Variants in ZNF678 observed in about 807,000 individuals in gnomAD.
The protein encoded by ZNF678 is hypothetical protein MGC42493.
In ZNF678, 5 loss-of-function variants were observed where a neutral mutation model predicts 3.0. That is an observed-to-expected ratio of 1.69 (90% CI 0.88 to 3.56). The LOEUF (loss-of-function observed/expected upper bound fraction) is 3.56, where lower values mean the gene tolerates loss of function less well. Among genes scored for constraint, ZNF678 ranks in the 30% most tolerant of loss-of-function variants. The pLI is 0.00. For missense variants in ZNF678, 593 were observed against 605.0 expected, an observed-to-expected ratio of 0.98 and a Z score of 0.21; for synonymous variants, 218 against 199.6, an observed-to-expected ratio of 1.09 and a Z score of -0.78.
downstream of ZNF678, among the ~76,000 whole-genome samples, chr1:227,677,877 C>A (rs556184598): frequency 6.6e-6 from 1 of 152,314 alleles, no homozygotes; most frequent in African/African-American, 2.4e-5. Context: ...CAAGGGCTCC[C>A]TGCCAAATAA....
chr1:227,620,666 C>T lies in ZNF678; in HGVS notation c.-163-25878C>T, dbSNP rs1475869058. On this transcript the variant is annotated intron_variant, in intron 1 of 3. Transcript: ENST00000343776. ...GTTTTTAAAGATAAAAGGGGCAACA[C>T]AGAGTGAGATGGTAAAAAGTTTGTT... is the stretch of plus-strand genomic sequence containing the variant. 2.0e-5 allele frequency among the ~76,000 whole-genome samples: 3 copies of T among 152,216 alleles called. No homozygotes were observed. The East Asian group carries it at 5.8e-4, about 29-fold the overall frequency.
At chr1:227,618,973 C>G (rs563807688) in intron 1 of ZNF678, among the ~76,000 whole-genome samples, 2 of 152,260 alleles carry the variant, frequency 1.3e-5, no homozygotes, top group Non-Finnish European at 2.9e-5. Context: ...GAAGCAAAGA[C>G]CTTCTTCACC....
rs375885870 is a variant in ZNF678, at chr1:227,578,093, G to A, written c.-164+14369G>A. 8.5e-5 allele frequency among the ~76,000 whole-genome samples: 13 copies of A among 152,212 alleles called. No individual in the cohort carries two copies. The East Asian group carries it at 1.2e-3, about 14-fold the overall frequency. ...GTCTCTTCCGGCTTTTAAGGTTTCCGTTGAGAGGTCCACTTTTAGTCTGAT... is the reference window on the plus strand; with the variant it reads ...GTCTCTTCCGGCTTTTAAGGTTTCCATTGAGAGGTCCACTTTTAGTCTGAT... On this transcript the variant is annotated intron_variant, in intron 1 of 3. Coordinates refer to ENST00000343776, the MANE Select transcript of ZNF678 (RefSeq NM_001367909.1).
intron 1 of ZNF678, among the ~76,000 whole-genome samples, chr1:227,593,272 G>A (rs966148978): frequency 6.6e-6 from 1 of 152,184 alleles, no homozygotes; most frequent in Non-Finnish European, 1.5e-5. Flanking sequence ...ATGTGCAGAT[G>A]GATTATTTGA....
chr1:227,565,680 C>T (rs557264811), intron 1 of ZNF678, among the ~76,000 whole-genome samples: 3 of 152,328 alleles, frequency 2.0e-5, no homozygotes, highest in African/African-American at 7.2e-5. Context: ...TTTTATCTTT[C>T]CTAGGCACAG....
At chr1:227,569,875 A>G (rs537328487) in intron 1 of ZNF678, among the ~76,000 whole-genome samples, 1 of 152,300 alleles carries the variant, frequency 6.6e-6, no homozygotes, top group African/African-American at 2.4e-5. Context: ...GTGTTTGTGC[A>G]TTTGGAGGAG....
chr1:227,612,604 C>G (rs568718738), intron 1 of ZNF678, among the ~76,000 whole-genome samples: 4 of 152,316 alleles, frequency 2.6e-5, no homozygotes, highest in Admixed American at 2.6e-4. Flanking sequence ...CCTGGGATAG[C>G]TTTCTACTCC....
chr1:227,641,801 G>T (rs1441012283), intron 1 of ZNF678, among the ~76,000 whole-genome samples: 1 of 151,862 alleles, frequency 6.6e-6, no homozygotes, highest in Non-Finnish European at 1.5e-5. Flanking sequence ...AGACCTTCCA[G>T]CTCTTTCTTT....
chr1:227,678,731 T>C (rs545631773), downstream of ZNF678, among the ~76,000 whole-genome samples: 1 of 152,170 alleles, frequency 6.6e-6, no homozygotes, highest in African/African-American at 2.4e-5. Context: ...CCAGAGAGAT[T>C]TGACAAATTC....
intron 1 of ZNF678, among the ~76,000 whole-genome samples, chr1:227,623,439 G>A (rs1271802071): frequency 6.6e-6 from 1 of 152,148 alleles, no homozygotes; most frequent in African/African-American, 2.4e-5. Context: ...AACTTAATAA[G>A]TAAAAATTAC....
chr1:227,624,499 T>G lies in ZNF678; in HGVS notation c.-163-22045T>G, dbSNP rs370563043. Reference sequence around the variant, plus strand: ...CACTGAAGGCATGGCAGAGAGCATTTTTGTGCACTGCAGATGTTACCGGCA... The same window carrying G: ...CACTGAAGGCATGGCAGAGAGCATTGTTGTGCACTGCAGATGTTACCGGCA... On this transcript the variant is annotated intron_variant, in intron 1 of 3. Coordinates refer to ENST00000343776, the MANE Select transcript of ZNF678 (RefSeq NM_001367909.1). Among the ~76,000 whole-genome samples, 3 of 152,158 alleles carry G rather than the reference T, an allele frequency of 2.0e-5. No individual in the cohort carries two copies. In the East Asian group the frequency reaches 5.8e-4, roughly 29 times the overall value.
chr1:227,573,697 G>GTTACCTA (rs774519170), intron 1 of ZNF678, among the ~76,000 whole-genome samples: 32,673 of 151,782 alleles, frequency 0.22, 3,987 homozygotes, highest in African/African-American at 0.33. Context: ...TTAAGTTCAG[G>GTTACCTA]GGTACATGTG....
chr1:227,611,972 T>C (rs1490476414), intron 1 of ZNF678, among the ~76,000 whole-genome samples: 2 of 152,212 alleles, frequency 1.3e-5, no homozygotes, highest in African/African-American at 4.8e-5. Flanking sequence ...GGTGTTTCTG[T>C]ACTTCACAAG....
At chr1:227,604,969 G>A (rs910960929) in intron 1 of ZNF678, among the ~76,000 whole-genome samples, 3 of 151,704 alleles carry the variant, frequency 2.0e-5, no homozygotes, top group African/African-American at 7.3e-5. Context: ...CATTCTCCTG[G>A]CTCAGCCTCC....
chr1:227,667,386 T>C (rs1480551643), downstream of ZNF678, among the ~76,000 whole-genome samples: 1 of 151,938 alleles, frequency 6.6e-6, no homozygotes, highest in Admixed American at 6.5e-5. Context: ...GTCGATGTGT[T>C]ATTTGATTCT....
intron 5 of ZNF678, among the ~76,000 whole-genome samples, chr1:227,672,360 G>A (rs1024998020): frequency 2.0e-5 from 3 of 152,088 alleles, no homozygotes; most frequent in African/African-American, 7.2e-5. Context: ...GAATTTTCAG[G>A]GCAGGGAAGA....
chr1:227,646,525 G>A lies in ZNF678; in HGVS notation c.-163-19G>A. The A allele has an allele frequency of 7.7e-7, 1 of 1,296,854 alleles. No individual in the cohort carries two copies. Among genetic ancestry groups the A allele is most frequent in the Non-Finnish European group, 1.0e-6 (1 of 999,874 alleles). 80.3% of individuals were successfully genotyped at this position (1,296,854 alleles called of 1,614,324 possible). ...CATGGCACATTTTGTAAATACGTGT[G>A]TATTTTTCCCCCCCCCAGGGACTAC... is the stretch of plus-strand genomic sequence containing the variant. On this transcript the variant is annotated intron_variant, in intron 1 of 3. Transcript: ENST00000343776.
intron 1 of ZNF678, among the ~76,000 whole-genome samples, chr1:227,644,186 C>A (rs1294455407): frequency 3.3e-5 from 5 of 152,050 alleles, no homozygotes; most frequent in Non-Finnish European, 7.4e-5. Flanking sequence ...TTTTTAAAAT[C>A]AGTGATAGAG....
In ZNF678 at chr1:227,655,429, T is replaced by G. The variant is rs375334913; in HGVS notation, c.1179T>G (p.Thr393=). The change falls in exon 4 of 4, where the codon ACT becomes ACG. Residue 393 remains threonine, a synonymous_variant. Transcript: ENST00000343776. ...CGTTTAACAAGTTCTCAAGCCTTAC[T>G]CAACATAGGAGAATTCATACTGGAG... is the stretch of plus-strand genomic sequence containing the variant. ...GKAFNKFSSL[T]QHRRIHTGVK... 1 of 1,612,448 alleles carries G rather than the reference T, an allele frequency of 6.2e-7. No homozygotes were observed. Among genetic ancestry groups the G allele is most frequent in the Non-Finnish European group, 8.5e-7 (1 of 1,179,218 alleles).
Sources: gnomAD v4.1 joint callset for allele counts (sites outside exome capture counted in the v4.1 genomes callset) on GRCh38, gnomAD v4.1.1 for gene constraint, MANE v1.5 for transcripts, NCBI Gene and HGNC (gene_info 2026-07-23, HGNC 2026-07-21) for gene names.